The following MCM7 variants were observed in gnomAD, a reference collection of about 807,000 sequenced individuals.
MCM7 encodes minichromosome maintenance complex component 7, also known as DNA replication licensing factor MCM7.
A neutral mutation model predicts 83.5 loss-of-function variants in MCM7; 95 were observed. The observed-to-expected ratio is 1.14, with a 90% CI of 0.96 to 1.35. The LOEUF (loss-of-function observed/expected upper bound fraction) is 1.35. Among genes scored for constraint, MCM7 ranks in the 40% most tolerant of loss-of-function variants. MCM7 has a pLI of 0.00. For missense variants in MCM7, 1,087 were observed against 957.4 expected (o/e 1.14, Z -1.79); for synonymous variants, 461 against 352.7 (o/e 1.31, Z -3.44).
Position 100,099,062 on chromosome 7 carries a change from A to G in MCM7, c.543T>C (p.Thr181=). The G allele has an allele frequency of 2.5e-6, 4 of 1,614,204 alleles. No individual in the cohort carries two copies. The highest frequency in any genetic ancestry group is 3.4e-6 in the Non-Finnish European group (4 of 1,180,028). ...CTGCCCCACACTGGTCACAAGTGTA[A>G]GTGGCCACCACCATCTTGGGTTTGA... The part of the protein sequence containing the change: ...SEVKPKMVVA[T]YTCDQCGAET... The change falls in exon 5 of 15, where the codon ACT becomes ACC. Residue 181 remains threonine (T), a synonymous_variant. Coordinates refer to ENST00000303887, the MANE Select transcript of MCM7 (RefSeq NM_005916.5).
Position 100,093,108 on chromosome 7 carries a change from A to G in MCM7, c.1984T>C (p.Phe662Leu). 2 of 1,614,106 alleles carry G rather than the reference A, an allele frequency of 1.2e-6. No homozygotes were observed. The highest frequency in any genetic ancestry group is 1.7e-6 in the Non-Finnish European group (2 of 1,179,978). The change falls in exon 15 of 15, where the codon TTT (phenylalanine) becomes CTT (leucine). Residue 662 changes from phenylalanine (F) to leucine (L), a missense_variant. Transcript: ENST00000303887. The part of the protein sequence containing the change: ...ARTQRPADVI[F>L]ATVRELVSGG... The stretch of plus-strand genomic sequence containing the variant: ...GAGACCAGTTCACGGACGGTGGCAA[A>G]TATCACATCTGCTGGTCTCTGAGTC...
chr7:100,096,802 C>A (rs940134354), intron 10 of MCM7, among the ~76,000 whole-genome samples: 2 of 151,874 alleles, frequency 1.3e-5, no homozygotes, highest in Non-Finnish European at 2.9e-5. Flanking sequence ...AATACCCAAA[C>A]AACAAAAAAA....
chr7:100,098,242 C>A lies in MCM7; in HGVS notation c.769G>T (p.Val257Leu), dbSNP rs748071664. The A allele has an allele frequency of 6.2e-7, 1 of 1,614,146 alleles. No individual in the cohort carries two copies. Among genetic ancestry groups the A allele is most frequent in the Non-Finnish European group, 8.5e-7 (1 of 1,180,020 alleles). Residue 257 changes from valine to leucine, a missense_variant, in exon 7 of 15, where the codon GTA becomes TTA. Val to Leu is a conservative substitution (Grantham distance 32). Coordinates refer to ENST00000303887, the MANE Select transcript of MCM7 (RefSeq NM_005916.5). ...GCAATCCTTGTGTTCTCTCCTTCTA[C>A]CAGCACCGTGATACTACGAGGGATA... ...GNIPRSITVL[V>L]EGENTRIAQP...
chr7:100,095,727 A>G, intron 11 of MCM7, 47 bp downstream of exon 11: 1 of 1,528,766 alleles, frequency 6.5e-7, no homozygotes, highest in Non-Finnish European at 8.8e-7. Context: ...TCCTCCCTAC[A>G]CAGATCATTA....
At chr7:100,097,214 T>G in intron 10 of MCM7, 87 bp downstream of exon 10, 1 of 1,189,836 alleles carries the variant, frequency 8.4e-7, no homozygotes, top group Non-Finnish European at 1.2e-6. Context: ...ATTACAGGCG[T>G]GAGCAAACAT....
chr7:100,098,744 G>A, intron 5 of MCM7, 29 bp from the exon 6 acceptor site: 1 of 1,613,162 alleles, frequency 6.2e-7, no homozygotes, highest in South Asian at 1.1e-5. Flanking sequence ...AACACCAAAG[G>A]AACTCAGAAG....
At position 100,095,295 on chromosome 7, in the gene MCM7, G is replaced by C. The variant is rs963538433; in HGVS notation, c.1679+92C>G. The C allele has an allele frequency of 3.4e-6, 4 of 1,168,238 alleles. No individual in the cohort carries two copies. In the African/African-American group the frequency reaches 6.1e-5, roughly 18 times the overall value. The allele number at this position is 1,168,238 out of a possible 1,614,324, so 72.4% of individuals were successfully genotyped here. A position where few individuals can be genotyped will look rare whatever the true frequency, so the allele number is the denominator to read the frequency against. Reference sequence around the variant, plus strand: ...TGTCTGTAGCGGGAAGTGGTGGTGTGAAAAACACACACCCTAAGACTAATA... The same window carrying C: ...TGTCTGTAGCGGGAAGTGGTGGTGTCAAAAACACACACCCTAAGACTAATA... On this transcript the variant is annotated intron_variant, in intron 12 of 14. Transcript: ENST00000303887.
rs1795408032 is a variant in MCM7 at position 100,093,208 on chromosome 7, CCAGT to C, written c.1959-79_1959-76del. On this transcript the variant is annotated intron_variant, in intron 14 of 14. Coordinates refer to ENST00000303887, the MANE Select transcript of MCM7 (RefSeq NM_005916.5). ...CGACATCAACAGAGAACAATGGTGG[CCAGT>C]GTTAGAATTGAGGCCAACCTCAGAC... 6 of 1,595,176 alleles carry C rather than the reference CCAGT, an allele frequency of 3.8e-6. No individual in the cohort carries two copies. In the South Asian group the frequency reaches 6.6e-5, roughly 18 times the overall value.
At chr7:100,093,937 C>T in intron 13 of MCM7, 1 of 710,692 alleles carries the variant, frequency 1.4e-6, no homozygotes, top group South Asian at 1.5e-5. Context: ...ACCACCCTCT[C>T]AGTGAAGGTT....
At chr7:100,097,473 A>G in intron 9 of MCM7, 89 bp from the exon 10 acceptor site, 1 of 1,568,394 alleles carries the variant, frequency 6.4e-7, no homozygotes, top group Non-Finnish European at 8.8e-7. Context: ...TACCCCTAAC[A>G]CCCAGCACTA....
chr7:100,096,294 T>A, intron 10 of MCM7, 127 bp from the exon 11 acceptor site: 1 of 912,728 alleles, frequency 1.1e-6, no homozygotes, highest in Non-Finnish European at 1.6e-6. Context: ...CCAGGCCTTC[T>A]TGAGATGCCC....
intron 1 of MCM7, chr7:100,100,772 C>CGCGCCACTTCCGCCCG: frequency 7.1e-6 from 7 of 992,822 alleles, no homozygotes; most frequent in Non-Finnish European, 8.4e-6. Context: ...CCAGCCTCCT[C>CGCGCCACTTCCGCCCG]GCGCCACTTC....
In MCM7 at chr7:100,099,342, C is replaced by T; in HGVS notation, c.338G>A (p.Ser113Asn). ...IEHRLMMEQRSRDPGMVRSPQ... is the reference protein window; with the variant it reads ...IEHRLMMEQRNRDPGMVRSPQ... ...GCTTCGGACCATCCCAGGGTCCCGA[C>T]TCCGCTGCTCCATCATTAGCCGATG... The change falls in exon 4 of 15, where the codon AGT (serine) becomes AAT (asparagine). Residue 113 changes from serine to asparagine, a missense_variant. Transcript: ENST00000303887. 3.7e-6 allele frequency: 6 copies of T among 1,613,224 alleles called. No homozygotes were observed. Among genetic ancestry groups the T allele is most frequent in the South Asian group, 3.3e-5 (3 of 91,040 alleles).
intron 13 of MCM7, 89 bp downstream of exon 13, chr7:100,094,084 G>A (rs1795482826): frequency 6.6e-7 from 1 of 1,519,006 alleles, no homozygotes; most frequent in East Asian, 2.3e-5. Context: ...GGCTGGAGCG[G>A]GAGGTGGGGA....
rs754886665 is a variant in MCM7 at position 100,097,652 on chromosome 7, C to T, written c.1079G>A (p.Gly360Glu). Residue 360 changes from glycine to glutamate, a missense_variant, in exon 9 of 15, where the codon GGG becomes GAG. Transcript: ENST00000303887. ...VKKALLLLLV[G>E]GVDQSPRGMK... ...GCCTCGAGGAGACTGGTCCACACCCCCGACTAGCAGGAGCAGCAGTGCCTT... is the reference window on the plus strand; with the variant it reads ...GCCTCGAGGAGACTGGTCCACACCCTCGACTAGCAGGAGCAGCAGTGCCTT... The T allele has an allele frequency of 1.2e-6, 2 of 1,614,152 alleles. No individual in the cohort carries two copies. The highest frequency in any genetic ancestry group is 2.2e-5 in the South Asian group (2 of 91,070).
At chr7:100,094,574 G>A (rs1179604579) in intron 12 of MCM7, among the ~76,000 whole-genome samples, 4 of 151,890 alleles carry the variant, frequency 2.6e-5, no homozygotes, top group South Asian at 2.1e-4. Flanking sequence ...TATTTTTTTC[G>A]GGAAAATGGC....
Position 100,095,757 on chromosome 7 carries a change from T to G in MCM7, c.1595+17A>C. The G allele has an allele frequency of 2.6e-6, 4 of 1,553,170 alleles. No homozygotes were observed. The highest frequency in any genetic ancestry group is 3.5e-6 in the Non-Finnish European group (4 of 1,151,712). ...TCATTACAGGGGACCTCTCTTTGGGTGTTGAGCTTCATTCACCGTAGGTCA... is the reference window on the plus strand; with the variant it reads ...TCATTACAGGGGACCTCTCTTTGGGGGTTGAGCTTCATTCACCGTAGGTCA... On this transcript the variant is annotated intron_variant, in intron 11 of 14. Transcript: ENST00000303887.
chr7:100,098,901 T>G, intron 5 of MCM7, 122 bp downstream of exon 5: 2 of 1,418,410 alleles, frequency 1.4e-6, no homozygotes, highest in Non-Finnish European at 1.9e-6. Context: ...TACCCAAGAA[T>G]GAAAGGCGAA....
In MCM7 at chr7:100,101,348, G is replaced by A. The variant is rs1350805494; in HGVS notation, c.-54C>T. The A allele has an allele frequency of 4.3e-6, 7 of 1,609,934 alleles. No homozygotes were observed. The highest frequency in any genetic ancestry group is 5.9e-6 in the Non-Finnish European group (7 of 1,178,698). The stretch of plus-strand genomic sequence containing the variant: ...GGCGGGCTCAGAGGTCTTGCTCCTG[G>A]GGAAGCTGAGAATCTCCGCGCGGTG... On this transcript the variant is annotated 5_prime_UTR_variant, in exon 1 of 15. Coordinates refer to ENST00000303887, the MANE Select transcript of MCM7 (RefSeq NM_005916.5).
Sources: gnomAD v4.1 joint callset for allele counts (sites outside exome capture counted in the v4.1 genomes callset) on GRCh38, gnomAD v4.1.1 for gene constraint, MANE v1.5 for transcripts, NCBI Gene and HGNC (gene_info 2026-07-23, HGNC 2026-07-21) for gene names.